QTMAN: variants seen among roughly 807,000 people sequenced by gnomAD.
QTMAN encodes the protein tRNA-queuosine alpha-mannosyltransferase.
At chr2:144,265,821 C>T in the QTMAN span, among the ~76,000 whole-genome samples, 1 of 152,206 alleles carries the variant, frequency 6.6e-6, no homozygotes, top group Non-Finnish European at 1.5e-5. Context: ...TCCTCAGTTA[C>T]TCAGGTAAAA....
chr2:144,226,131 A>G, the QTMAN span, among the ~76,000 whole-genome samples: 2 of 152,216 alleles, frequency 1.3e-5, no homozygotes, highest in Admixed American at 1.3e-4. Context: ...TAAATCCTAA[A>G]TCATGGTCAA....
chr2:144,298,397 C>T, the QTMAN span, among the ~76,000 whole-genome samples: 1 of 152,048 alleles, frequency 6.6e-6, no homozygotes, highest in Non-Finnish European at 1.5e-5. Flanking sequence ...CATCCCACTG[C>T]CCAAAAGAGT....
the QTMAN span, among the ~76,000 whole-genome samples, chr2:144,194,712 A>G: frequency 6.6e-6 from 1 of 152,212 alleles, no homozygotes; most frequent in African/African-American, 2.4e-5. Flanking sequence ...TTATTAGCTA[A>G]AAGAGGATTA....
At chr2:144,006,057 T>TA in the QTMAN span, 1 of 152,246 alleles carries the variant, frequency 6.6e-6, no homozygotes, top group East Asian at 1.9e-4. Flanking sequence ...CACTGCATTT[T>TA]AAAATCACAT....
the QTMAN span, among the ~76,000 whole-genome samples, chr2:143,991,233 A>G: frequency 2.0e-5 from 3 of 152,238 alleles, no homozygotes; most frequent in Non-Finnish European, 4.4e-5. Context: ...GAAAGATCCA[A>G]CTTAAAGATT....
chr2:144,273,102 T>C, the QTMAN span, among the ~76,000 whole-genome samples: 1 of 152,172 alleles, frequency 6.6e-6, no homozygotes, highest in Non-Finnish European at 1.5e-5. Context: ...TGTACCTTTC[T>C]ACTTCAGAAA....
the QTMAN span, among the ~76,000 whole-genome samples, chr2:144,217,889 A>G: frequency 1.3e-5 from 2 of 152,232 alleles, no homozygotes; most frequent in Non-Finnish European, 2.9e-5. Context: ...TCTCTTGACA[A>G]AACAATCTGT....
the QTMAN span, among the ~76,000 whole-genome samples, chr2:143,991,051 A>G: frequency 6.6e-6 from 1 of 152,156 alleles, no homozygotes; most frequent in African/African-American, 2.4e-5. Context: ...TAAACCTGAA[A>G]AAATTATCCA....
At chr2:144,216,915 TAG>T in the QTMAN span, among the ~76,000 whole-genome samples, 2 of 152,178 alleles carry the variant, frequency 1.3e-5, no homozygotes, top group African/African-American at 4.8e-5. Context: ...ACCATCAATC[TAG>T]AGAGCCCATT....
the QTMAN span, among the ~76,000 whole-genome samples, chr2:144,189,556 C>T: frequency 6.6e-6 from 1 of 152,140 alleles, no homozygotes; most frequent in African/African-American, 2.4e-5. Flanking sequence ...ATTGAGCAAC[C>T]GTTGCCTACA....
chr2:144,101,455 C>A, the QTMAN span, among the ~76,000 whole-genome samples: 9 of 151,854 alleles, frequency 5.9e-5, no homozygotes, highest in Admixed American at 3.9e-4. Flanking sequence ...AAAAAGATAG[C>A]CTTATAGTGA....
chr2:144,142,011 T>C, the QTMAN span: 1 of 1,610,870 alleles, frequency 6.2e-7, no homozygotes, highest in Middle Eastern at 1.7e-4. Flanking sequence ...GAGAAATGAT[T>C]CCATATTAAA....
At chr2:144,065,210 G>A in the QTMAN span, among the ~76,000 whole-genome samples, 1 of 152,270 alleles carries the variant, frequency 6.6e-6, no homozygotes, top group East Asian at 1.9e-4. Context: ...CCCTGAAGAT[G>A]TTCTCAGGTG....
chr2:144,261,467 T>A, the QTMAN span, among the ~76,000 whole-genome samples: 441 of 152,314 alleles, frequency 2.9e-3, 3 homozygotes, highest in African/African-American at 0.01. Context: ...AAAGCCCAGA[T>A]AACAACTCTT....
chr2:143,969,329 T>C, the QTMAN span, among the ~76,000 whole-genome samples: 2 of 152,228 alleles, frequency 1.3e-5, no homozygotes, highest in South Asian at 2.1e-4. Flanking sequence ...CTGTTGCCTA[T>C]GTGTAGACAT....
chr2:144,032,830 A>C, the QTMAN span, among the ~76,000 whole-genome samples: 2 of 152,348 alleles, frequency 1.3e-5, no homozygotes, highest in East Asian at 3.9e-4. Context: ...TAAATCAGAC[A>C]AACTGGGATA....
the QTMAN span, among the ~76,000 whole-genome samples, chr2:144,182,840 T>TTATA: frequency 1.5e-5 from 1 of 64,524 alleles, no homozygotes; most frequent in East Asian, 4.8e-4. Context: ...TATATATATA[T>TTATA]TATATATATA....
the QTMAN span, among the ~76,000 whole-genome samples, chr2:144,024,530 T>C: frequency 6.6e-6 from 1 of 152,244 alleles, no homozygotes; most frequent in Non-Finnish European, 1.5e-5. Flanking sequence ...AGGGTAATTA[T>C]TTCTTGATGG....
the QTMAN span, among the ~76,000 whole-genome samples, chr2:144,114,315 G>T: frequency 2.0e-5 from 3 of 151,986 alleles, no homozygotes; most frequent in African/African-American, 7.3e-5. Flanking sequence ...GTTTTTAAAC[G>T]ACTTTACCAA....
Sources: allele counts gnomAD v4.1 joint callset (sites outside exome capture counted in the v4.1 genomes callset), GRCh38; gene constraint gnomAD v4.1.1; transcripts MANE v1.5; gene names NCBI Gene and HGNC (gene_info 2026-07-23, HGNC 2026-07-21).